CLSTN1: variants seen among roughly 807,000 people sequenced by gnomAD.
CLSTN1 encodes the protein calsyntenin 1.
In CLSTN1, 28 loss-of-function variants were observed where a neutral mutation model predicts 108.3. That is an observed-to-expected ratio of 0.26 (90% confidence interval 0.19 to 0.35). The LOEUF is 0.35. CLSTN1 is among the 10% of genes least tolerant of loss of function. The pLI, the probability that CLSTN1 is intolerant of heterozygous loss-of-function variation, is 1.00. For synonymous variants in CLSTN1, 524 were observed against 534.9 expected, an observed-to-expected ratio of 0.98 and a Z score of 0.28; for missense variants, 1,157 against 1,302.6, an observed-to-expected ratio of 0.89 and a Z score of 1.72.
rs868826822 is a variant in CLSTN1 at position 9,732,163 on chromosome 1, A to G, written c.2428-267T>C. ...TGCTATAACAATCTAATATTCTCACACATTCCAGAAATGTATCACTTTTCT... is the reference window on the plus strand; with the variant it reads ...TGCTATAACAATCTAATATTCTCACGCATTCCAGAAATGTATCACTTTTCT... On this transcript the variant is annotated intron_variant, in intron 16 of 18. Coordinates refer to ENST00000377298, the MANE Select transcript of CLSTN1 (RefSeq NM_001009566.3). Among the ~76,000 whole-genome samples the G allele has an allele frequency of 5.9e-5, 9 of 152,362 alleles. No individual in the cohort carries two copies. In the Middle Eastern group the frequency reaches 0.02, roughly 345 times the overall value.
Position 9,823,562 on chromosome 1 carries a change from TC to T in CLSTN1, c.91+80del. 1 of 947,766 alleles carries T rather than the reference TC, an allele frequency of 1.1e-6. No individual in the cohort carries two copies. The highest frequency in any genetic ancestry group is 1.3e-6 in the Non-Finnish European group (1 of 755,556). The allele number at this position is 947,766 out of a possible 1,614,324, so 58.7% of individuals were successfully genotyped here. A position where few individuals can be genotyped will look rare whatever the true frequency, so the allele number is the denominator to read the frequency against. On this transcript the variant is annotated intron_variant, in intron 1 of 18. Transcript: ENST00000377298. This position sits in a 1 kb window ranked among gnomAD's most constrained non-coding sequence, Gnocchi z 6.3. ...CCCTACTCCCGCACCCGGACCCGAA[TC>T]CCCGCACCGGGACCCGAATCCTGCA...
At chr1:9,810,612 T>C (rs935089211) in intron 1 of CLSTN1, among the ~76,000 whole-genome samples, 2 of 150,872 alleles carry the variant, frequency 1.3e-5, no homozygotes, top group Non-Finnish European at 3.0e-5. Flanking sequence ...CCATCTCTAC[T>C]AAAAATACAA....
intron 16 of CLSTN1, among the ~76,000 whole-genome samples, chr1:9,732,418 A>G (rs1650456355): frequency 6.6e-6 from 1 of 152,170 alleles, no homozygotes; most frequent in Non-Finnish European, 1.5e-5. Flanking sequence ...AGAGCAGAAA[A>G]AGAAGCCGAT....
intron 1 of CLSTN1, among the ~76,000 whole-genome samples, chr1:9,792,332 C>A (rs1467149749): frequency 1.3e-5 from 2 of 151,522 alleles, no homozygotes; most frequent in Non-Finnish European, 2.9e-5. Context: ...CCATGGCTGG[C>A]AGTCTCTCTT....
chr1:9,759,855 T>G (rs1207310635), intron 2 of CLSTN1, among the ~76,000 whole-genome samples: 1 of 152,216 alleles, frequency 6.6e-6, no homozygotes. Context: ...ACTCACAATA[T>G]TACATGTTTT....
intron 1 of CLSTN1, among the ~76,000 whole-genome samples, chr1:9,816,631 TG>T (rs1654983458): frequency 6.6e-6 from 1 of 151,320 alleles, no homozygotes; most frequent in African/African-American, 2.4e-5. Context: ...CAGGCTGGAG[TG>T]CAGTGGCATG....
chr1:9,738,987 A>G (rs1044909683), intron 10 of CLSTN1, among the ~76,000 whole-genome samples: 11 of 152,150 alleles, frequency 7.2e-5, no homozygotes, highest in Non-Finnish European at 1.3e-4. Flanking sequence ...TCAAGGTACA[A>G]TGTTTCCATA....
intron 11 of CLSTN1, 80 bp downstream of exon 11, chr1:9,737,418 G>T: frequency 7.4e-7 from 1 of 1,344,618 alleles, no homozygotes; most frequent in Non-Finnish European, 1.1e-6. Context: ...CAACTGGGGC[G>T]TTTCATGCGA....
chr1:9,743,858 T>C (rs1324803846), intron 9 of CLSTN1, 26 bp downstream of exon 9: 1 of 1,612,636 alleles, frequency 6.2e-7, no homozygotes, highest in African/African-American at 1.3e-5. Flanking sequence ...TGCCCGGCCC[T>C]ATTAGTGCGT....
At chr1:9,791,265 A>C (rs1653759479) in intron 1 of CLSTN1, among the ~76,000 whole-genome samples, 1 of 151,478 alleles carries the variant, frequency 6.6e-6, no homozygotes, top group Non-Finnish European at 1.5e-5. Context: ...GGACTTCCTA[A>C]AGCAAAGTTC....
At chr1:9,795,798 A>G (rs1278456730) in intron 1 of CLSTN1, among the ~76,000 whole-genome samples, 5 of 148,800 alleles carry the variant, frequency 3.4e-5, no homozygotes, top group African/African-American at 1.2e-4. Flanking sequence ...CTACAGAAAA[A>G]TTTAAAATTA....
At chr1:9,812,518 G>A (rs549810607) in intron 1 of CLSTN1, among the ~76,000 whole-genome samples, 5 of 152,230 alleles carry the variant, frequency 3.3e-5, no homozygotes, top group Admixed American at 2.6e-4. Flanking sequence ...CATGTGCCAG[G>A]AGCCAGGCAT....
At chr1:9,772,657 G>A (rs1393435560) in intron 2 of CLSTN1, among the ~76,000 whole-genome samples, 1 of 152,114 alleles carries the variant, frequency 6.6e-6, no homozygotes, top group Non-Finnish European at 1.5e-5. Context: ...CAATGTACAC[G>A]GTTATTACAG....
At position 9,730,414 on chromosome 1, in the gene CLSTN1, G is replaced by T; in HGVS notation, c.*94C>A. ...GGAGGGGTCTGCACACCTACTGGCC[G>T]AAATGACTTTGTACATCGTGGACCC... is the stretch of plus-strand genomic sequence containing the variant. On this transcript the variant is annotated 3_prime_UTR_variant, in exon 19 of 19. Transcript: ENST00000377298. The surrounding 1 kb of genome is among the most constrained non-coding windows in gnomAD (Gnocchi z 5.6). 2 of 1,252,736 alleles carry T rather than the reference G, an allele frequency of 1.6e-6. No individual in the cohort carries two copies. Among genetic ancestry groups the T allele is most frequent in the South Asian group, 1.3e-5 (1 of 79,926 alleles). The allele number at this position is 1,252,736 out of a possible 1,614,324, so 77.6% of individuals were successfully genotyped here. A position where few individuals can be genotyped will look rare whatever the true frequency, so the allele number is the denominator to read the frequency against.
At chr1:9,792,900 T>A (rs1401984662) in intron 1 of CLSTN1, among the ~76,000 whole-genome samples, 1 of 151,066 alleles carries the variant, frequency 6.6e-6, no homozygotes, top group Non-Finnish European at 1.5e-5. Context: ...TGAAACGGAG[T>A]GAGAAGGGGG....
At chr1:9,731,697 G>A in intron 17 of CLSTN1, 64 bp downstream of exon 17, 1 of 1,522,002 alleles carries the variant, frequency 6.6e-7, no homozygotes. Flanking sequence ...TGTGCCCACG[G>A]TGGGGTGGGG....
At chr1:9,822,832 C>A (rs1040644610) in intron 1 of CLSTN1, among the ~76,000 whole-genome samples, 3 of 152,136 alleles carry the variant, frequency 2.0e-5, no homozygotes, top group Admixed American at 2.0e-4. Flanking sequence ...TCCTAAAAAA[C>A]CAGAGAGGTT....
chr1:9,765,256 C>T (rs747785036), intron 2 of CLSTN1, among the ~76,000 whole-genome samples: 14 of 151,816 alleles, frequency 9.2e-5, no homozygotes, highest in Admixed American at 2.6e-4. Flanking sequence ...TGGTGGCGGG[C>T]GCCTGCAATC....
At position 9,774,026 on chromosome 1, in the gene CLSTN1, G is replaced by A. The variant is rs1416753772; in HGVS notation, c.92-632C>T. On this transcript the variant is annotated intron_variant, in intron 1 of 18. Transcript: ENST00000377298. Reference sequence around the variant, plus strand: ...CAAAGTGTTGGGATTACAGGCGTGAGCCACGGCACCTGGCCCCAGTATTAT... The same window carrying A: ...CAAAGTGTTGGGATTACAGGCGTGAACCACGGCACCTGGCCCCAGTATTAT... Among the ~76,000 whole-genome samples the A allele has an allele frequency of 2.0e-5, 3 of 152,008 alleles. No homozygotes were observed. In the East Asian group the frequency reaches 5.8e-4, roughly 29 times the overall value.
Sources: gnomAD v4.1 joint callset for allele counts (sites outside exome capture counted in the v4.1 genomes callset) on GRCh38, gnomAD v4.1.1 for gene constraint, Gnocchi (gnomAD v3.1) non-coding constraint, MANE v1.5 for transcripts, NCBI Gene and HGNC (gene_info 2026-07-23, HGNC 2026-07-21) for gene names.